Variants in YPEL1 observed in about 807,000 individuals in gnomAD.
The protein encoded by YPEL1 is yippee like 1, also known as protein yippee-like 1.
YPEL1 carries 7 observed loss-of-function variants against 17.3 expected under a neutral mutation model. The observed-to-expected ratio is 0.40, with a 90% CI of 0.23 to 0.76. YPEL1 has a LOEUF of 0.76. YPEL1 is among the 30% of genes least tolerant of loss of function. YPEL1 has a pLI of 0.35. For missense variants in YPEL1, 91 were observed against 155.5 expected (o/e 0.59, Z 2.21); for synonymous variants, 59 against 59.6 (o/e 0.99, Z 0.05).
rs2068080791 is a variant in YPEL1 at position 21,703,036 on chromosome 22, C to T, written c.270+334G>A. Among the ~76,000 whole-genome samples the T allele has an allele frequency of 6.6e-6, 1 of 152,218 alleles. No homozygotes were observed. The highest frequency in any genetic ancestry group is 2.4e-5 in the African/African-American group (1 of 41,448). ...CAGTGGGCACAGCCTCCCGCAGCCC[C>T]CTGCAGCCTCCTCGGCCTCCTCCCA... On this transcript the variant is annotated intron_variant, in intron 4 of 4. Transcript: ENST00000339468. The surrounding 1 kb of genome is among the most constrained non-coding windows in gnomAD (Gnocchi z 6.1).
rs55953362 is a variant in YPEL1 at position 21,721,425 on chromosome 22, CT to C, written c.-164-10518del. The stretch of plus-strand genomic sequence containing the variant: ...GAGCCACCATGCCCAGCCTTTTTTT[CT>C]TTTTTTTTTTTTTTTGAGACAGAGT... On this transcript the variant is annotated intron_variant, in intron 1 of 4. Coordinates refer to ENST00000339468, the MANE Select transcript of YPEL1 (RefSeq NM_013313.5). 1.9e-4 allele frequency among the ~76,000 whole-genome samples: 28 copies of C among 149,652 alleles called. No individual in the cohort carries two copies. In the East Asian group the frequency reaches 3.0e-3, roughly 16 times the overall value.
Position 21,701,104 on chromosome 22 carries a change from C to T in YPEL1, c.*25G>A, listed in dbSNP as rs1419746083. The stretch of plus-strand genomic sequence containing the variant: ...ACAGTTTCTTTCACAAAACAGCATT[C>T]AAAGGAGAAGGGAAAGTTCGCACAT... On this transcript the variant is annotated 3_prime_UTR_variant, in exon 5 of 5. Transcript: ENST00000339468. 4 of 1,595,906 alleles carry T rather than the reference C, an allele frequency of 2.5e-6. No individual in the cohort carries two copies. Among genetic ancestry groups the T allele is most frequent in the East Asian group, 2.2e-5 (1 of 44,754 alleles).
intron 4 of YPEL1, 50 bp from the exon 5 acceptor site, chr22:21,701,268 A>G (rs1431023070): frequency 6.7e-7 from 1 of 1,483,272 alleles, no homozygotes; most frequent in Admixed American, 1.8e-5. Context: ...TCACTTTTCA[A>G]TTTCATCACT....
Position 21,707,037 on chromosome 22 carries a change from G to A in YPEL1, c.118-3155C>T, listed in dbSNP as rs200965182. 9.2e-5 allele frequency among the ~76,000 whole-genome samples: 14 copies of A among 152,096 alleles called. No individual in the cohort carries two copies. The East Asian group carries it at 2.1e-3, about 23-fold the overall frequency. ...AGTGACATCTCCAAGGAATGGAGCC[G>A]GACAAGGCAGGAGGAAGAAGCAAGT... On this transcript the variant is annotated intron_variant, in intron 2 of 4. Coordinates refer to ENST00000339468, the MANE Select transcript of YPEL1 (RefSeq NM_013313.5).
chr22:21,700,983 G>T lies in YPEL1; in HGVS notation c.*146C>A. On this transcript the variant is annotated 3_prime_UTR_variant, in exon 5 of 5. Transcript: ENST00000339468. ...ATCCGAGGGACACCTTACCCACAGA[G>T]ATGGCCGAGAGTGTCAAGAGCTATG... The T allele has an allele frequency of 1.6e-6, 1 of 623,024 alleles. No homozygotes were observed. The highest frequency in any genetic ancestry group is 2.8e-6 in the Non-Finnish European group (1 of 355,552). 38.6% of individuals were successfully genotyped at this position (623,024 alleles called of 1,614,324 possible).
chr22:21,734,657 T>C (rs9619500), intron 1 of YPEL1, among the ~76,000 whole-genome samples: 1 of 152,118 alleles, frequency 6.6e-6, no homozygotes, highest in Non-Finnish European at 1.5e-5. Flanking sequence ...GCAAGAGCCC[T>C]GAGGGGGACC....
Position 21,717,178 on chromosome 22 carries a change from C to T in YPEL1, c.-164-6270G>A, listed in dbSNP as rs189033110. ...GGATCACAAGGTCAGGAGTTCGAGA[C>T]CAGCCTGGCCAACACGGTGAAACCC... On this transcript the variant is annotated intron_variant, in intron 1 of 4. Coordinates refer to ENST00000339468, the MANE Select transcript of YPEL1 (RefSeq NM_013313.5). 3.4e-4 allele frequency among the ~76,000 whole-genome samples: 51 copies of T among 152,142 alleles called. No individual in the cohort carries two copies. The East Asian group carries it at 8.1e-3, about 24-fold the overall frequency.
intron 2 of YPEL1, 196 bp from the exon 3 acceptor site, chr22:21,704,078 T>G: frequency 1.4e-6 from 1 of 727,814 alleles, no homozygotes; most frequent in Non-Finnish European, 2.5e-6. Context: ...CTGTTTTTCA[T>G]TGTAGACAGG....
At chr22:21,707,396 G>A (rs898009025) in intron 2 of YPEL1, among the ~76,000 whole-genome samples, 3 of 152,104 alleles carry the variant, frequency 2.0e-5, no homozygotes, top group Non-Finnish European at 2.9e-5. Flanking sequence ...TAGCCTGGGC[G>A]ACAAAGCAAG....
chr22:21,700,993 A>G lies in YPEL1; in HGVS notation c.*136T>C. On this transcript the variant is annotated 3_prime_UTR_variant, in exon 5 of 5. Transcript: ENST00000339468. ...CACCTTACCCACAGAGATGGCCGAGAGTGTCAAGAGCTATGCGCAGCTAGC... is the reference window on the plus strand; with the variant it reads ...CACCTTACCCACAGAGATGGCCGAGGGTGTCAAGAGCTATGCGCAGCTAGC... The G allele has an allele frequency of 1.5e-6, 1 of 658,542 alleles. No individual in the cohort carries two copies. Among genetic ancestry groups the G allele is most frequent in the Non-Finnish European group, 2.6e-6 (1 of 379,822 alleles). 40.8% of individuals were successfully genotyped at this position (658,542 alleles called of 1,614,324 possible). A position where few individuals can be genotyped will look rare whatever the true frequency, so the allele number is the denominator to read the frequency against.
At chr22:21,730,541 T>A (rs910870488) in intron 1 of YPEL1, among the ~76,000 whole-genome samples, 3 of 152,132 alleles carry the variant, frequency 2.0e-5, no homozygotes, top group Non-Finnish European at 2.9e-5. Context: ...CTATTCAAAC[T>A]CTCACATAGT....
Position 21,703,709 on chromosome 22 carries a change from G to GGA in YPEL1, c.161+129_161+130insTC, listed in dbSNP as rs1049369911. On this transcript the variant is annotated intron_variant, in intron 3 of 4. Coordinates refer to ENST00000339468, the MANE Select transcript of YPEL1 (RefSeq NM_013313.5). The surrounding 1 kb of genome is among the most constrained non-coding windows in gnomAD (Gnocchi z 6.1). The stretch of plus-strand genomic sequence containing the variant: ...TCCTTAGCGCGTTTCAGAAACTCCC[G>GGA]GCGGGGGGATGGTGGGTTCTTTCAG... 1.1e-6 allele frequency: 1 copy of GGA among 947,826 alleles called. No individual in the cohort carries two copies. The highest frequency in any genetic ancestry group is 1.6e-5 in the South Asian group (1 of 60,960). 58.7% of individuals were successfully genotyped at this position (947,826 alleles called of 1,614,324 possible).
At chr22:21,712,367 T>TA (rs34536579) in intron 1 of YPEL1, among the ~76,000 whole-genome samples, 37,462 of 130,418 alleles carry the variant, frequency 0.29, 6,323 homozygotes, top group East Asian at 0.47. Context: ...TTGGAATATG[T>TA]AAAAAAAAAA....
chr22:21,728,880 C>T (rs1336164084), intron 1 of YPEL1, among the ~76,000 whole-genome samples: 4 of 152,122 alleles, frequency 2.6e-5, no homozygotes, highest in Non-Finnish European at 5.9e-5. Flanking sequence ...CACTGGCTCA[C>T]GCCTGTAATC....
At chr22:21,727,078 G>C (rs760674220) in intron 1 of YPEL1, among the ~76,000 whole-genome samples, 1 of 152,202 alleles carries the variant, frequency 6.6e-6, no homozygotes, top group Non-Finnish European at 1.5e-5. Context: ...TACCTGAAGA[G>C]CCTGCTGCCC....
chr22:21,714,251 G>A (rs540895438), intron 1 of YPEL1, among the ~76,000 whole-genome samples: 168 of 152,276 alleles, frequency 1.1e-3, no homozygotes, highest in African/African-American at 3.9e-3. Context: ...GGCCGGTGGC[G>A]GCCACCCAGG....
At chr22:21,714,763 A>G (rs374014738) in intron 1 of YPEL1, among the ~76,000 whole-genome samples, 1 of 152,148 alleles carries the variant, frequency 6.6e-6, no homozygotes, top group African/African-American at 2.4e-5. Flanking sequence ...CCAACTTGAT[A>G]TGGTCAAATT....
intron 1 of YPEL1, chr22:21,723,309 C>T (rs2068301787): frequency 6.6e-6 from 1 of 152,246 alleles, no homozygotes; most frequent in Non-Finnish European, 1.5e-5. Context: ...ATTCTCCTGC[C>T]TCAACCTCCC....
intron 2 of YPEL1, among the ~76,000 whole-genome samples, chr22:21,705,760 T>C (rs1454179718): frequency 6.6e-6 from 1 of 152,036 alleles, no homozygotes; most frequent in Non-Finnish European, 1.5e-5. Context: ...GAGGATTGCT[T>C]GAGCTCAGGA....
Sources: gnomAD v4.1 joint callset for allele counts (sites outside exome capture counted in the v4.1 genomes callset) on GRCh38, gnomAD v4.1.1 for gene constraint, Gnocchi (gnomAD v3.1) non-coding constraint, MANE v1.5 for transcripts, NCBI Gene and HGNC (gene_info 2026-07-23, HGNC 2026-07-21) for gene names.